MICU2: variants seen among roughly 807,000 people sequenced by gnomAD.
MICU2 encodes the protein mitochondrial calcium uptake 2.
A neutral mutation model predicts 60.4 loss-of-function variants in MICU2; 64 were observed. The ratio of observed to expected loss-of-function variants is 1.06; its 90% CI spans 0.87 to 1.31. The LOEUF (loss-of-function observed/expected upper bound fraction) is 1.31. Ranked by LOEUF, MICU2 falls within the 50% of genes most tolerant of loss-of-function variation. The pLI, the probability that MICU2 is intolerant of heterozygous loss-of-function variation, is 0.00. For missense variants in MICU2, 569 were observed against 531.0 expected (o/e 1.07, Z -0.70); for synonymous variants, 201 against 175.0 (o/e 1.15, Z -1.17).
In MICU2 at chr13:21,603,965, C is replaced by T; in HGVS notation, c.184G>A (p.Asp62Asn). Reference protein sequence around the residue: ...HHSRVSVAARDGSFTVSAQKN... With the variant: ...HHSRVSVAARNGSFTVSAQKN... ...TGTGCGGAGACTGTAAAACTGCCAT[C>T]CCGCGCCGCAACACTGACGCGGCTG... is the stretch of plus-strand genomic sequence containing the variant. The change falls in exon 1 of 12, where the codon GAT becomes AAT. Residue 62 changes from aspartate (D) to asparagine (N), a missense_variant. Coordinates refer to ENST00000382374, the MANE Select transcript of MICU2 (RefSeq NM_152726.3). The T allele has an allele frequency of 6.2e-7, 1 of 1,612,440 alleles. No homozygotes were observed. The highest frequency in any genetic ancestry group is 2.2e-5 in the East Asian group (1 of 44,836).
intron 2 of MICU2, among the ~76,000 whole-genome samples, chr13:21,565,595 T>C (rs949047817): frequency 3.9e-5 from 6 of 152,148 alleles, no homozygotes; most frequent in African/African-American, 7.2e-5. Context: ...GAGGTAGAGG[T>C]TGCAGTGAGC....
At chr13:21,493,465 G>A in intron 11 of MICU2, 112 bp from the exon 12 acceptor site, 1 of 690,352 alleles carries the variant, frequency 1.4e-6, no homozygotes, top group Non-Finnish European at 2.3e-6. Context: ...AAAAATAGTT[G>A]AGGGTGAATT....
rs1010883191 is a variant in MICU2, at chr13:21,499,394, G to A, written c.934-3234C>T. Among the ~76,000 whole-genome samples the A allele has an allele frequency of 5.3e-5, 8 of 151,770 alleles. No homozygotes were observed. The East Asian group carries it at 1.2e-3, about 22-fold the overall frequency. On this transcript the variant is annotated intron_variant, in intron 9 of 11. Coordinates refer to ENST00000382374, the MANE Select transcript of MICU2 (RefSeq NM_152726.3). The stretch of plus-strand genomic sequence containing the variant: ...GTTAGGTAACTTACTGTGCGAGACC[G>A]TTCTCCATGGGTCTCACATTTCTTT...
intron 2 of MICU2, among the ~76,000 whole-genome samples, chr13:21,555,742 TC>T (rs140965721): frequency 2.0e-5 from 3 of 151,556 alleles, no homozygotes; most frequent in South Asian, 2.1e-4. Context: ...CTCAATACCT[TC>T]CCCCCCTCTT....
chr13:21,524,128 C>G (rs1309713762), intron 4 of MICU2, among the ~76,000 whole-genome samples: 1 of 152,090 alleles, frequency 6.6e-6, no homozygotes, highest in African/African-American at 2.4e-5. Context: ...AACAATTGTT[C>G]CCTCCGGATC....
chr13:21,532,749 C>T (rs1887031720), intron 4 of MICU2, among the ~76,000 whole-genome samples: 1 of 152,162 alleles, frequency 6.6e-6, no homozygotes, highest in Admixed American at 6.5e-5. Context: ...AAAATGTCCT[C>T]ATTGAATTGG....
chr13:21,524,978 T>C (rs577060438), intron 4 of MICU2, among the ~76,000 whole-genome samples: 2 of 152,324 alleles, frequency 1.3e-5, no homozygotes, highest in African/African-American at 4.8e-5. Context: ...CTGAATAATA[T>C]TCCATTGTAC....
At chr13:21,536,093 G>A (rs1887123764) in intron 4 of MICU2, among the ~76,000 whole-genome samples, 1 of 152,094 alleles carries the variant, frequency 6.6e-6, no homozygotes, top group Non-Finnish European at 1.5e-5. Flanking sequence ...TGCTATGACT[G>A]GAAGGAATTG....
At chr13:21,519,487 T>C (rs957990449) in intron 6 of MICU2, among the ~76,000 whole-genome samples, 1 of 152,202 alleles carries the variant, frequency 6.6e-6, no homozygotes, top group Admixed American at 6.5e-5. Flanking sequence ...ACTGTTCTGC[T>C]CCTTCTCAGG....
Position 21,558,456 on chromosome 13 carries a change from T to C in MICU2, c.358+8341A>G, listed in dbSNP as rs193155545. On this transcript the variant is annotated intron_variant, in intron 2 of 11. Transcript: ENST00000382374. Reference sequence around the variant, plus strand: ...AGCAGCCAGCCTACAGTTTAGCCTGTTATTTTAATTGAATTTGTTAATGTC... The same window carrying C: ...AGCAGCCAGCCTACAGTTTAGCCTGCTATTTTAATTGAATTTGTTAATGTC... Among the ~76,000 whole-genome samples the C allele has an allele frequency of 2.0e-5, 3 of 152,350 alleles. No individual in the cohort carries two copies. In the East Asian group the frequency reaches 5.8e-4, roughly 29 times the overall value.
At chr13:21,531,138 A>G (rs1169597213) in intron 4 of MICU2, 1 of 908,862 alleles carries the variant, frequency 1.1e-6, no homozygotes, top group Non-Finnish European at 1.9e-6. Context: ...TCTTGTGGTT[A>G]TCTATGAAGA....
At chr13:21,597,586 A>G (rs1888720997) in intron 1 of MICU2, among the ~76,000 whole-genome samples, 1 of 152,196 alleles carries the variant, frequency 6.6e-6, no homozygotes. Flanking sequence ...GAGATGAAAA[A>G]GACAAGAGGC....
At chr13:21,543,948 T>C (rs761838427) in intron 2 of MICU2, among the ~76,000 whole-genome samples, 25 of 152,172 alleles carry the variant, frequency 1.6e-4, no homozygotes, top group Non-Finnish European at 3.4e-4. Context: ...AAAAACAGCA[T>C]GGTATGGCAT....
intron 2 of MICU2, among the ~76,000 whole-genome samples, chr13:21,566,495 G>C (rs1887984855): frequency 6.9e-6 from 1 of 144,236 alleles, no homozygotes; most frequent in Non-Finnish European, 1.6e-5. Flanking sequence ...CTCAAATCTA[G>C]TTTCATTTTT....
chr13:21,579,368 T>A (rs1385374265), intron 1 of MICU2, among the ~76,000 whole-genome samples: 1 of 151,226 alleles, frequency 6.6e-6, no homozygotes, highest in Non-Finnish European at 1.5e-5. Flanking sequence ...GAGATGGAGT[T>A]TCATTCTTGT....
chr13:21,507,967 C>T (rs1886332391), intron 8 of MICU2, among the ~76,000 whole-genome samples: 1 of 151,812 alleles, frequency 6.6e-6, no homozygotes, highest in Non-Finnish European at 1.5e-5. Context: ...CTCACTCTGT[C>T]ACCCAGGCTG....
At chr13:21,503,249 T>C (rs1886222935) in intron 8 of MICU2, 152 bp from the exon 9 acceptor site, 2 of 606,834 alleles carry the variant, frequency 3.3e-6, no homozygotes, top group Admixed American at 3.3e-5. Flanking sequence ...GCAAGGATTG[T>C]GGGGAGAGGA....
chr13:21,558,844 C>T (rs994552992), intron 2 of MICU2, among the ~76,000 whole-genome samples: 1 of 152,148 alleles, frequency 6.6e-6, no homozygotes, highest in Non-Finnish European at 1.5e-5. Context: ...GGAGCTCCCA[C>T]TTCTCAGCTG....
intron 2 of MICU2, among the ~76,000 whole-genome samples, chr13:21,547,487 T>C (rs948123188): frequency 2.6e-5 from 4 of 152,164 alleles, no homozygotes; most frequent in Admixed American, 2.6e-4. Flanking sequence ...TCTTACACTA[T>C]ATCATGAATT....
Sources: allele counts gnomAD v4.1 joint callset (sites outside exome capture counted in the v4.1 genomes callset), GRCh38; gene constraint gnomAD v4.1.1; transcripts MANE v1.5; gene names NCBI Gene and HGNC (gene_info 2026-07-23, HGNC 2026-07-21).